The following FHIT variants were observed in gnomAD, a reference collection of about 807,000 sequenced individuals.
The protein encoded by FHIT is bis(5'-adenosyl)-triphosphatase.
In FHIT, 19 loss-of-function variants were observed where a neutral mutation model predicts 17.9. That is an observed-to-expected ratio of 1.06 (90% confidence interval 0.74 to 1.56). The LOEUF (loss-of-function observed/expected upper bound fraction) is 1.56, where lower values mean the gene tolerates loss of function less well. FHIT is among the 40% of genes most tolerant of loss of function. FHIT has a pLI of 0.00. For synonymous variants in FHIT, 81 were observed against 69.7 expected, an observed-to-expected ratio of 1.16 and a Z score of -0.81; for missense variants, 248 against 189.2, an observed-to-expected ratio of 1.31 and a Z score of -1.82.
chr3:60,235,772 A>C (rs1240035959), intron 5 of FHIT, among the ~76,000 whole-genome samples: 2 of 152,214 alleles, frequency 1.3e-5, no homozygotes, highest in Admixed American at 6.5e-5. Context: ...AAGAGGATGT[A>C]GTATGTTTCA....
intron 5 of FHIT, among the ~76,000 whole-genome samples, chr3:60,088,932 A>ACT (rs543732024): frequency 2.0e-5 from 3 of 152,194 alleles, no homozygotes; most frequent in Non-Finnish European, 2.9e-5. Flanking sequence ...GTTAGGAAAG[A>ACT]CTATGTAAGG....
chr3:60,623,177 CTTT>C (rs797026009), intron 4 of FHIT, among the ~76,000 whole-genome samples: 1 of 152,136 alleles, frequency 6.6e-6, no homozygotes, highest in Non-Finnish European at 1.5e-5. Context: ...CAAGAAATAA[CTTT>C]TTTAATGCAA....
Position 61,034,193 on chromosome 3 carries a change from C to G in FHIT, c.-111+7854G>C, listed in dbSNP as rs569489571. On this transcript the variant is annotated intron_variant, in intron 3 of 9. Coordinates refer to ENST00000492590, the MANE Select transcript of FHIT (RefSeq NM_002012.4). ...GAAAGCATAGGGGTAAAATCATTAC[C>G]CTCACATTTGGCAATGAATTCTTAT... is the stretch of plus-strand genomic sequence containing the variant. Among the ~76,000 whole-genome samples the G allele has an allele frequency of 2.6e-5, 4 of 152,088 alleles. No homozygotes were observed. The East Asian group carries it at 7.7e-4, about 29-fold the overall frequency.
chr3:60,842,626 A>AGT (rs1702768298), intron 3 of FHIT, among the ~76,000 whole-genome samples: 100 of 79,620 alleles, frequency 1.3e-3, no homozygotes, highest in Non-Finnish European at 2.1e-3. Flanking sequence ...TATATATATG[A>AGT]GTGTATATAT....
At chr3:60,428,377 C>T (rs1252967405) in intron 5 of FHIT, among the ~76,000 whole-genome samples, 2 of 152,112 alleles carry the variant, frequency 1.3e-5, no homozygotes, top group African/African-American at 2.4e-5. Flanking sequence ...CCCTGTCAAT[C>T]GGACTTGAAA....
intron 7 of FHIT, among the ~76,000 whole-genome samples, chr3:59,957,761 C>A (rs1241339037): frequency 6.6e-6 from 1 of 152,186 alleles, no homozygotes; most frequent in South Asian, 2.1e-4. Context: ...GGAGCCAGCA[C>A]ATACTACTCT....
intron 5 of FHIT, among the ~76,000 whole-genome samples, chr3:60,205,569 T>G (rs755006084): frequency 6.6e-6 from 1 of 152,134 alleles, no homozygotes. Context: ...AAGGAAGTTG[T>G]TGCCTGAGGA....
intron 5 of FHIT, among the ~76,000 whole-genome samples, chr3:60,251,570 GA>G (rs1306320285): frequency 2.6e-5 from 4 of 152,144 alleles, no homozygotes; most frequent in Non-Finnish European, 5.9e-5. Flanking sequence ...TTCCAGTGTT[GA>G]AAAGTATCTT....
chr3:61,161,801 T>A (rs947682298), intron 2 of FHIT, among the ~76,000 whole-genome samples: 2 of 152,184 alleles, frequency 1.3e-5, no homozygotes, highest in Admixed American at 6.5e-5. Flanking sequence ...ACCAGTGACA[T>A]TTTTTATCAA....
chr3:59,750,832 A>G (rs146045716), intron 9 of FHIT: 47 of 206,522 alleles, frequency 2.3e-4, no homozygotes, highest in Middle Eastern at 1.6e-3. Flanking sequence ...TCAGAATACA[A>G]TGAATGTGTT....
intron 3 of FHIT, among the ~76,000 whole-genome samples, chr3:61,020,002 C>T (rs1384244493): frequency 6.6e-6 from 1 of 152,164 alleles, no homozygotes; most frequent in Non-Finnish European, 1.5e-5. Flanking sequence ...TCTCCTAATG[C>T]TATCCCTCCC....
chr3:60,024,626 G>A (rs1287672358), intron 5 of FHIT, among the ~76,000 whole-genome samples: 1 of 152,156 alleles, frequency 6.6e-6, no homozygotes, highest in East Asian at 1.9e-4. Context: ...TAGAGGGTGA[G>A]CAGACAAAGG....
At chr3:60,370,808 C>A (rs1056361763) in intron 5 of FHIT, among the ~76,000 whole-genome samples, 3 of 152,222 alleles carry the variant, frequency 2.0e-5, no homozygotes, top group African/African-American at 7.2e-5. Context: ...ATTCACAACA[C>A]AGCTTCTAAG....
chr3:60,868,568 A>G (rs1214214403), intron 3 of FHIT, among the ~76,000 whole-genome samples: 1 of 152,162 alleles, frequency 6.6e-6, no homozygotes, highest in Non-Finnish European at 1.5e-5. Flanking sequence ...CTTTTTATCT[A>G]GGAATAAATT....
intron 2 of FHIT, among the ~76,000 whole-genome samples, chr3:61,046,928 G>A (rs1393329487): frequency 7.2e-5 from 11 of 152,198 alleles, no homozygotes; most frequent in South Asian, 2.1e-4. Flanking sequence ...AAAAGCCTTC[G>A]AAAAAATTTG....
At chr3:60,870,746 G>A (rs145454721) in intron 3 of FHIT, among the ~76,000 whole-genome samples, 1 of 152,228 alleles carries the variant, frequency 6.6e-6, no homozygotes, top group African/African-American at 2.4e-5. Context: ...CTGTGCAGTG[G>A]GCCAACTGCT....
intron 5 of FHIT, among the ~76,000 whole-genome samples, chr3:60,139,522 C>A (rs1204218636): frequency 6.6e-6 from 1 of 152,138 alleles, no homozygotes; most frequent in Non-Finnish European, 1.5e-5. Flanking sequence ...AGCTAGATAT[C>A]CCTTCTGAAC....
At chr3:60,868,118 T>C (rs2107046380) in intron 3 of FHIT, among the ~76,000 whole-genome samples, 1 of 152,290 alleles carries the variant, frequency 6.6e-6, no homozygotes, top group East Asian at 1.9e-4. Context: ...GGCAGCAGAA[T>C]GAGCTACTGC....
At chr3:59,878,852 T>G (rs1188974824) in intron 8 of FHIT, among the ~76,000 whole-genome samples, 1 of 152,152 alleles carries the variant, frequency 6.6e-6, no homozygotes, top group African/African-American at 2.4e-5. Flanking sequence ...CCCATCCCCA[T>G]GGCAGCTAAT....
Sources: allele counts gnomAD v4.1 joint callset (sites outside exome capture counted in the v4.1 genomes callset), GRCh38; gene constraint gnomAD v4.1.1; transcripts MANE v1.5; gene names NCBI Gene and HGNC (gene_info 2026-07-23, HGNC 2026-07-21).